Variants in SPATA25 observed in about 807,000 individuals in gnomAD.
SPATA25 encodes the protein spermatogenesis associated 25.
Under a neutral mutation model 16.0 loss-of-function variants are expected in SPATA25, and 16 were observed. The observed-to-expected ratio is 1.00, with a 90% confidence interval of 0.68 to 1.52. SPATA25 has a LOEUF of 1.52. Ranked by LOEUF, SPATA25 falls within the 40% of genes most tolerant of loss-of-function variation. The pLI, the probability that SPATA25 is intolerant of heterozygous loss-of-function variation, is 0.00. For missense variants in SPATA25, 285 were observed against 289.2 expected (o/e 0.99, Z 0.11); for synonymous variants, 115 against 118.5 (o/e 0.97, Z 0.19).
upstream of SPATA25, chr20:45,890,239 G>T (rs1470632404): frequency 6.2e-7 from 1 of 1,613,862 alleles, no homozygotes; most frequent in Non-Finnish European, 8.5e-7. Context: ...TCGCTGCCCA[G>T]GGATACCTAC....
rs780802044 is a variant in SPATA25, at chr20:45,887,607, C to T, written c.-17G>A. 6.8e-6 allele frequency: 11 copies of T among 1,612,368 alleles called. No individual in the cohort carries two copies. The highest frequency in any genetic ancestry group is 2.2e-5 in the South Asian group (2 of 90,708). ...GTAGGACATGGCTTCCCCAAAGCCCCGGTTTGTGAGGGAATAGTGATCTGC... is the reference window on the plus strand; with the variant it reads ...GTAGGACATGGCTTCCCCAAAGCCCTGGTTTGTGAGGGAATAGTGATCTGC... On this transcript the variant is annotated 5_prime_UTR_variant, in exon 1 of 2. Transcript: ENST00000372519.
At chr20:45,890,454 C>A, upstream of SPATA25, 1 of 1,606,380 alleles carries the variant, frequency 6.2e-7, no homozygotes, top group Non-Finnish European at 8.5e-7. Flanking sequence ...GGAGGCAGCA[C>A]GTTCAGCTCA....
upstream of SPATA25, among the ~76,000 whole-genome samples, chr20:45,888,226 C>T (rs1430039259): frequency 1.3e-5 from 2 of 152,160 alleles, no homozygotes; most frequent in African/African-American, 2.4e-5. Context: ...CCATGTTGGC[C>T]AGGCTGGTCT....
At chr20:45,887,369 G>A (rs1282281443) in intron 1 of SPATA25, among the ~76,000 whole-genome samples, 167 bp downstream of exon 1, 1 of 152,220 alleles carries the variant, frequency 6.6e-6, no homozygotes, top group Non-Finnish European at 1.5e-5. Flanking sequence ...GAGCAAGCGG[G>A]TAGTTATTGA....
Position 45,887,037 on chromosome 20 carries a change from G to A in SPATA25, c.164C>T (p.Ala55Val), listed in dbSNP as rs1337388013. ...GPLSQKAEQV[A>V]PAAQAWGPAL... is the part of the protein sequence containing the mutation. ...TGGGCCCCAGGCCTGGGCAGCAGGT[G>A]CCACCTGCTCAGCTTTCTGGCTCAG... The change falls in exon 2 of 2, where the codon GCA (alanine) becomes GTA (valine). Residue 55 changes from alanine to valine, a missense_variant. By Grantham distance (64) the Ala-to-Val change is moderately conservative. Transcript: ENST00000372519. The A allele has an allele frequency of 1.2e-6, 2 of 1,611,784 alleles. No homozygotes were observed. Among genetic ancestry groups the A allele is most frequent in the Middle Eastern group, 1.7e-4 (1 of 6,044 alleles).
upstream of SPATA25, chr20:45,889,033 T>TCTCAGGAAGAGGTG: frequency 1.4e-6 from 1 of 730,498 alleles, no homozygotes; most frequent in Non-Finnish European, 2.2e-6. Context: ...GAGAAGCACC[T>TCTCAGGAAGAGGTG]CTTCCTGAGA....
upstream of SPATA25, chr20:45,888,716 G>A (rs1986578617): frequency 6.2e-7 from 1 of 1,606,310 alleles, no homozygotes; most frequent in Non-Finnish European, 8.5e-7. Flanking sequence ...CCACAGGTCT[G>A]GGGCTCCAGG....
Position 45,886,814 on chromosome 20 carries a change from C to A in SPATA25, c.387G>T (p.Gly129=), listed in dbSNP as rs754999960. The change falls in exon 2 of 2, where the codon GGG becomes GGT. Residue 129 remains glycine, a synonymous_variant. Transcript: ENST00000372519. ...PSRPRPLMLC[G]LSPRVLPVPS... ...GTACCGGTAGAACCCGTGGTGACAG[C>A]CCACACAGCATCAGGGGCCTAGGCC... 4.3e-6 allele frequency: 7 copies of A among 1,613,756 alleles called. No individual in the cohort carries two copies.
At chr20:45,888,031 A>G (rs757986289), upstream of SPATA25, among the ~76,000 whole-genome samples, 2 of 152,040 alleles carry the variant, frequency 1.3e-5, no homozygotes, top group Non-Finnish European at 2.9e-5. Flanking sequence ...TTTTTTTGAG[A>G]CAGAGTCTCA....
At chr20:45,890,909 CGATGGAA>C (rs758027076), upstream of SPATA25, 1 of 1,551,080 alleles carries the variant, frequency 6.4e-7, no homozygotes, top group Non-Finnish European at 8.7e-7. Context: ...ACCGTGCACC[CGATGGAA>C]GCGGGTGGGA....
At chr20:45,889,912 C>T (rs1333008603), upstream of SPATA25, among the ~76,000 whole-genome samples, 1 of 152,178 alleles carries the variant, frequency 6.6e-6, no homozygotes, top group African/African-American at 2.4e-5. Flanking sequence ...CTGTGCCCGG[C>T]CAAGCATGTT....
upstream of SPATA25, chr20:45,890,379 G>A: frequency 6.2e-7 from 1 of 1,612,804 alleles, no homozygotes; most frequent in Non-Finnish European, 8.5e-7. Flanking sequence ...ATGATGATGT[G>A]CATGTCGGCC....
chr20:45,887,914 AT>A (rs1568756916), upstream of SPATA25, among the ~76,000 whole-genome samples: 1 of 152,340 alleles, frequency 6.6e-6, no homozygotes, highest in East Asian at 1.9e-4. Context: ...AAATGAGATC[AT>A]TTGTATGGAA....
upstream of SPATA25, chr20:45,888,735 G>C (rs746044447): frequency 6.2e-7 from 1 of 1,613,104 alleles, no homozygotes; most frequent in Non-Finnish European, 8.5e-7. Flanking sequence ...GGATGCAGCT[G>C]TGCTCTGGTG....
upstream of SPATA25, chr20:45,890,945 A>G: frequency 6.6e-7 from 1 of 1,514,682 alleles, no homozygotes. Flanking sequence ...CGGGCGCTCG[A>G]GTCCCCAGAG....
upstream of SPATA25, chr20:45,890,806 C>A: frequency 6.3e-7 from 1 of 1,592,274 alleles, no homozygotes; most frequent in East Asian, 2.3e-5. Flanking sequence ...AGACCTGGCC[C>A]GGGGCCAGCG....
Position 45,886,578 on chromosome 20 carries a change from G to A in SPATA25, c.623C>T (p.Ala208Val). The change falls in exon 2 of 2, where the codon GCC becomes GTC. Residue 208 changes from alanine to valine, a missense_variant. Transcript: ENST00000372519. ...ARWEQAHAHT[A>V]SGKMPLVRSK... ...TCTCACTAGGGGCATCTTCCCAGAG[G>A]CTGTGTGGGCATGTGCCTGCTCCCA... The A allele has an allele frequency of 6.2e-7, 1 of 1,611,664 alleles. No individual in the cohort carries two copies. The highest frequency in any genetic ancestry group is 1.3e-5 in the African/African-American group (1 of 74,994).
In SPATA25 at chr20:45,886,889, C is replaced by A. The variant is rs769069844; in HGVS notation, c.312G>T (p.Trp104Cys). ...CTCTGCTTCTGGAGTAGCCATTGTCCCAGCCCAAGCTCTCCAGCTGCCTCA... is the reference window on the plus strand; with the variant it reads ...CTCTGCTTCTGGAGTAGCCATTGTCACAGCCCAAGCTCTCCAGCTGCCTCA... ...PHVRQLESLG[W>C]DNGYSRSRAP... The change falls in exon 2 of 2, where the codon TGG (tryptophan) becomes TGT (cysteine). Residue 104 changes from tryptophan (W) to cysteine (C), a missense_variant. Physicochemically the swap from Trp to Cys is radical, Grantham distance 215 (BLOSUM62 -2). Transcript: ENST00000372519. The A allele has an allele frequency of 6.2e-7, 1 of 1,614,134 alleles. No individual in the cohort carries two copies. Among genetic ancestry groups the A allele is most frequent in the Non-Finnish European group, 8.5e-7 (1 of 1,180,042 alleles).
upstream of SPATA25, among the ~76,000 whole-genome samples, chr20:45,887,855 A>G (rs1042017397): frequency 1.3e-5 from 2 of 152,174 alleles, no homozygotes; most frequent in African/African-American, 4.8e-5. Flanking sequence ...CCTTATCTGT[A>G]AAGTGTGTCT....
Sources: gnomAD v4.1 joint callset for allele counts (sites outside exome capture counted in the v4.1 genomes callset) on GRCh38, gnomAD v4.1.1 for gene constraint, MANE v1.5 for transcripts, NCBI Gene and HGNC (gene_info 2026-07-23, HGNC 2026-07-21) for gene names.